Variants in TTC21B observed in about 807,000 individuals in gnomAD.
TTC21B encodes tetratricopeptide repeat protein 21B.
A neutral mutation model predicts 175.1 loss-of-function variants in TTC21B; 127 were observed. The observed-to-expected ratio is 0.73, with a 90% CI of 0.63 to 0.84. TTC21B has a LOEUF of 0.84. TTC21B is among the 40% of genes least tolerant of loss of function. The probability of loss-of-function intolerance (pLI) is 0.00; values close to 1 mark genes in which losing one functional copy is unlikely to be tolerated. For synonymous variants in TTC21B, 524 were observed against 524.5 expected, an observed-to-expected ratio of 1.00 and a Z score of 0.01; for missense variants, 1,561 against 1,558.3, an observed-to-expected ratio of 1.00 and a Z score of -0.03.
At position 165,901,751 on chromosome 2, in the gene TTC21B, C is replaced by T. The variant is rs778319902; in HGVS notation, c.2728G>A (p.Ala910Thr). The T allele has an allele frequency of 3.7e-6, 6 of 1,613,954 alleles. No individual in the cohort carries two copies. Among genetic ancestry groups the T allele is most frequent in the Non-Finnish European group, 5.1e-6 (6 of 1,179,994 alleles). The change falls in exon 20 of 29, where the codon GCT becomes ACT. Residue 910 changes from alanine (A) to threonine (T), a missense_variant. Physicochemically the swap from Ala to Thr is moderately conservative, Grantham distance 58. Transcript: ENST00000243344. The part of the protein sequence containing the change: ...YEKAIKFYRE[A>T]LVHCETDNKI... ...TTATCTGTTTCGCAGTGAACCAGAG[C>T]CTCTCTATAAAACTTAATTGCTTTT...
In TTC21B at chr2:165,874,609, T is replaced by C. The variant is rs1469185817; in HGVS notation, c.*146A>G. On this transcript the variant is annotated 3_prime_UTR_variant, in exon 29 of 29. Coordinates refer to ENST00000243344, the MANE Select transcript of TTC21B (RefSeq NM_024753.5). ...CACCAATTTCACATAGTACTTCTCT[T>C]GATGTACAGCAGCAACCTCTGCTGG... The C allele has an allele frequency of 8.6e-6, 6 of 699,514 alleles. No homozygotes were observed. Among genetic ancestry groups the C allele is most frequent in the Non-Finnish European group, 1.5e-5 (6 of 393,756 alleles). The allele number at this position is 699,514 out of a possible 1,614,324, so 43.3% of individuals were successfully genotyped here.
chr2:165,943,201 AC>A lies in TTC21B; in HGVS notation c.552+17del. 6.2e-7 allele frequency: 1 copy of A among 1,612,772 alleles called. No individual in the cohort carries two copies. Among genetic ancestry groups the A allele is most frequent in the Admixed American group, 1.7e-5 (1 of 60,006 alleles). On this transcript the variant is annotated intron_variant, in intron 5 of 28. Coordinates refer to ENST00000243344, the MANE Select transcript of TTC21B (RefSeq NM_024753.5). ...ATATATTTTGAAACATGATTTATTT[AC>A]CCTAACTCCAACTCACCTTACCCAG... is the stretch of plus-strand genomic sequence containing the variant.
In TTC21B at chr2:165,915,349, C is replaced by A. The variant is rs1686127001; in HGVS notation, c.1990G>T (p.Ala664Ser). Reference sequence around the variant, plus strand: ...CGTTCAATATCTCCTTGGGCTAGAGCAAGGTCTGCATTAGCAATGGTAACC... The same window carrying A: ...CGTTCAATATCTCCTTGGGCTAGAGAAAGGTCTGCATTAGCAATGGTAACC... The part of the protein sequence containing the change: ...VRVTIANADL[A>S]LAQGDIERAL... Residue 664 changes from alanine (A) to serine (S), a missense_variant, in exon 15 of 29, where the codon GCT becomes TCT. Transcript: ENST00000243344. The A allele has an allele frequency of 6.2e-7, 1 of 1,613,980 alleles. No homozygotes were observed. Among genetic ancestry groups the A allele is most frequent in the Admixed American group, 1.7e-5 (1 of 59,998 alleles).
Position 165,931,875 on chromosome 2 carries a change from G to A in TTC21B, c.796-19C>T, listed in dbSNP as rs1559067966. ...TGGAAGCCTAAAACAAAAGGAACTGGTATTAACTTAAAATATACTAAGTAA... is the reference window on the plus strand; with the variant it reads ...TGGAAGCCTAAAACAAAAGGAACTGATATTAACTTAAAATATACTAAGTAA... On this transcript the variant is annotated intron_variant, in intron 7 of 28. Coordinates refer to ENST00000243344, the MANE Select transcript of TTC21B (RefSeq NM_024753.5). 12 of 1,537,226 alleles carry A rather than the reference G, an allele frequency of 7.8e-6. No homozygotes were observed. In the South Asian group the frequency reaches 1.2e-4, roughly 16 times the overall value.
intron 6 of TTC21B, among the ~76,000 whole-genome samples, chr2:165,940,819 GTGTC>G (rs1687335773): frequency 2.0e-5 from 3 of 152,110 alleles, no homozygotes; most frequent in Admixed American, 2.0e-4. Flanking sequence ...CCTAAAAAGA[GTGTC>G]TGTCTTAAAC....
At chr2:165,907,090 A>C (rs887699490) in intron 19 of TTC21B, among the ~76,000 whole-genome samples, 1 of 152,140 alleles carries the variant, frequency 6.6e-6, no homozygotes, top group African/African-American at 2.4e-5. Context: ...TATCAAAGTG[A>C]CATTTATTTC....
Position 165,941,051 on chromosome 2 carries a change from T to C in TTC21B, c.686A>G (p.Asp229Gly). 6.2e-7 allele frequency: 1 copy of C among 1,613,980 alleles called. No homozygotes were observed. Among genetic ancestry groups the C allele is most frequent in the South Asian group, 1.1e-5 (1 of 91,086 alleles). Reference sequence around the variant, plus strand: ...CCTTTGTGCTGTCTCAACTGTCTGGTCCCAATCCTGCAAGGCTAGTTGTAA... The same window carrying C: ...CCTTTGTGCTGTCTCAACTGTCTGGCCCCAATCCTGCAAGGCTAGTTGTAA... The part of the protein sequence containing the change: ...MKLQLALQDW[D>G]QTVETAQRLL... The change falls in exon 6 of 29, where the codon GAC (aspartate) becomes GGC (glycine). Residue 229 changes from aspartate (D) to glycine (G), a missense_variant. Asp to Gly is a moderately conservative substitution (Grantham distance 94). Coordinates refer to ENST00000243344, the MANE Select transcript of TTC21B (RefSeq NM_024753.5).
In TTC21B at chr2:165,931,759, G is replaced by A; in HGVS notation, c.893C>T (p.Thr298Ile). The change falls in exon 8 of 29, where the codon ACT becomes ATT. Residue 298 changes from threonine to isoleucine, a missense_variant and splice_region_variant. Transcript: ENST00000243344. Reference protein sequence around the residue: ...FYNITLAFSRTCGRSQLILQK... With the variant: ...FYNITLAFSRICGRSQLILQK... ...CTGGTACATGGTAGGCACTCTCACA[G>A]TTCTGCTGAAGGCGAGTGTAATGTT... 2 of 1,611,826 alleles carry A rather than the reference G, an allele frequency of 1.2e-6. No homozygotes were observed. The highest frequency in any genetic ancestry group is 4.5e-5 in the East Asian group (2 of 44,844).
intron 11 of TTC21B, 33 bp from the exon 12 acceptor site, chr2:165,924,711 A>C (rs200002165): frequency 6.3e-7 from 1 of 1,597,640 alleles, no homozygotes; most frequent in Non-Finnish European, 8.5e-7. Flanking sequence ...TCATTTTATA[A>C]GTGTAAAAAT....
Position 165,890,894 on chromosome 2 carries a change from AC to A in TTC21B, c.3044del (p.Arg1015LeufsTer49), listed in dbSNP as rs2105292027. ...VPRFFSMAEKRNSRAKLEPGF... is the reference protein window; with the variant it reads ...VPRFFSMAEKXNSRAKLEPGF... ...CTGGTTCCAATTTTGCTCTGGAGTT[AC>A]GTTTCTCAGCCATTGAGAAAAATCT... is the stretch of plus-strand genomic sequence containing the variant. On this transcript the variant is annotated frameshift_variant, in exon 23 of 29. Transcript: ENST00000243344. LOFTEE classifies it high-confidence loss of function. The A allele has an allele frequency of 6.2e-7, 1 of 1,613,526 alleles. No individual in the cohort carries two copies. The highest frequency in any genetic ancestry group is 8.5e-7 in the Non-Finnish European group (1 of 1,179,614).
chr2:165,930,827 CT>C (rs1399288369), intron 8 of TTC21B, among the ~76,000 whole-genome samples: 12 of 145,168 alleles, frequency 8.3e-5, no homozygotes, highest in African/African-American at 3.0e-4. Flanking sequence ...TGTTTTCCCC[CT>C]AAACACTAGC....
intron 22 of TTC21B, among the ~76,000 whole-genome samples, chr2:165,898,019 A>C (rs1427907396): frequency 6.6e-6 from 1 of 152,204 alleles, no homozygotes; most frequent in Non-Finnish European, 1.5e-5. Flanking sequence ...CAAAGTGAAC[A>C]CAGCATGTTT....
chr2:165,891,082 T>A, intron 22 of TTC21B, 94 bp from the exon 23 acceptor site: 6 of 1,090,840 alleles, frequency 5.5e-6, no homozygotes, highest in Non-Finnish European at 6.8e-6. Flanking sequence ...ATTTACTTCA[T>A]ATAAAGTACA....
Position 165,945,673 on chromosome 2 carries a change from C to G in TTC21B, c.280G>C (p.Glu94Gln). Residue 94 changes from glutamate (E) to glutamine (Q), a missense_variant, in exon 4 of 29, where the codon GAA becomes CAA. Coordinates refer to ENST00000243344, the MANE Select transcript of TTC21B (RefSeq NM_024753.5). ...TGTTCCTTCACTCTGGCATCTGATT[C>G]CAGAATAGCTTCTCTATCTGGTAGG... is the stretch of plus-strand genomic sequence containing the variant. ...SPNPDREAIL[E>Q]SDARVKEQRK... The G allele has an allele frequency of 6.2e-7, 1 of 1,613,256 alleles. No individual in the cohort carries two copies. The highest frequency in any genetic ancestry group is 2.2e-5 in the East Asian group (1 of 44,796).
chr2:165,884,512 TCTC>T (rs764226959), intron 25 of TTC21B, among the ~76,000 whole-genome samples: 18 of 152,210 alleles, frequency 1.2e-4, no homozygotes, highest in Admixed American at 2.6e-4. Flanking sequence ...CCCCCTCCCT[TCTC>T]CTTTTATCCA....
At chr2:165,940,936 A>C in intron 6 of TTC21B, 91 bp downstream of exon 6, 1 of 1,452,536 alleles carries the variant, frequency 6.9e-7, no homozygotes, top group Non-Finnish European at 9.6e-7. Context: ...ATCAAATTTA[A>C]AAACCCTTAT....
chr2:165,896,608 T>C (rs187315591), intron 22 of TTC21B, among the ~76,000 whole-genome samples: 83 of 152,152 alleles, frequency 5.5e-4, no homozygotes, highest in African/African-American at 1.8e-3. Flanking sequence ...GGGAGGGGCA[T>C]TCTAAGGAAG....
chr2:165,916,142 T>C (rs1686165805), intron 14 of TTC21B, among the ~76,000 whole-genome samples: 1 of 152,144 alleles, frequency 6.6e-6, no homozygotes, highest in African/African-American at 2.4e-5. Context: ...TAGCTGGGCA[T>C]GGCCCAGCTA....
intron 26 of TTC21B, among the ~76,000 whole-genome samples, chr2:165,881,569 TTGAC>T (rs1437658001): frequency 6.6e-6 from 1 of 152,144 alleles, no homozygotes; most frequent in Non-Finnish European, 1.5e-5. Flanking sequence ...CGCAGGTTAA[TTGAC>T]TGCATCCTTG....
Sources: allele counts gnomAD v4.1 joint callset (sites outside exome capture counted in the v4.1 genomes callset), GRCh38; gene constraint gnomAD v4.1.1; transcripts MANE v1.5; gene names NCBI Gene and HGNC (gene_info 2026-07-23, HGNC 2026-07-21).